Variants in CPED1 observed in about 807,000 individuals in gnomAD.
The protein encoded by CPED1 is cadherin-like and PC-esterase domain-containing protein 1.
CPED1 carries 114 observed loss-of-function variants against 128.2 expected under a neutral mutation model. The ratio of observed to expected loss-of-function variants is 0.89; its 90% confidence interval spans 0.76 to 1.04. The LOEUF (loss-of-function observed/expected upper bound fraction) is 1.04. Among genes scored for constraint, CPED1 ranks in the 50% least tolerant of loss-of-function variants. The pLI is 0.00. For synonymous variants in CPED1, 462 were observed against 426.7 expected, an observed-to-expected ratio of 1.08 and a Z score of -1.02; for missense variants, 1,211 against 1,207.1, an observed-to-expected ratio of 1.00 and a Z score of -0.05.
chr7:121,146,359 T>A (rs1344145089), intron 16 of CPED1, among the ~76,000 whole-genome samples: 1 of 152,074 alleles, frequency 6.6e-6, no homozygotes, highest in African/African-American at 2.4e-5. Context: ...TTTAATCACA[T>A]CCGAAAAATC....
chr7:121,060,241 G>C (rs935061675), intron 4 of CPED1, among the ~76,000 whole-genome samples: 2 of 152,240 alleles, frequency 1.3e-5, no homozygotes, highest in Non-Finnish European at 2.9e-5. Flanking sequence ...GCTCCTGTGC[G>C]GCCGGAGCCT....
intron 4 of CPED1, among the ~76,000 whole-genome samples, chr7:121,060,081 G>A (rs1419643202): frequency 6.6e-6 from 1 of 152,174 alleles, no homozygotes; most frequent in Non-Finnish European, 1.5e-5. Context: ...GGCCGGCCCT[G>A]CCGGCCCGGG....
chr7:121,149,418 C>A (rs1358417656), intron 16 of CPED1: 1 of 152,170 alleles, frequency 6.6e-6, no homozygotes, highest in African/African-American at 2.4e-5. Flanking sequence ...GAAAAAGAGT[C>A]ATGTTGAACA....
chr7:121,141,716 G>A (rs1323832104), intron 15 of CPED1, among the ~76,000 whole-genome samples: 2 of 151,988 alleles, frequency 1.3e-5, no homozygotes, highest in African/African-American at 4.8e-5. Flanking sequence ...ACCCTGGCAG[G>A]TGGTTAATAA....
intron 9 of CPED1, 83 bp downstream of exon 9, chr7:121,125,975 C>G: frequency 5.1e-6 from 5 of 989,286 alleles, no homozygotes; most frequent in Non-Finnish European, 7.9e-6. Context: ...TGTTTTCATT[C>G]ATAGTAACCA....
chr7:121,241,385 A>AAAAAAAAAG (rs1798390722), intron 17 of CPED1, among the ~76,000 whole-genome samples: 1 of 147,648 alleles, frequency 6.8e-6, no homozygotes, highest in East Asian at 2.0e-4. Flanking sequence ...AAAAAAAAAA[A>AAAAAAAAAG]GAAATTATAA....
chr7:121,127,096 G>A lies in CPED1; in HGVS notation c.1141G>A (p.Glu381Lys), dbSNP rs368982657. ...FMYPVVLQVH[E>K]HLNFQDYDNM... is the part of the protein sequence containing the mutation. Reference sequence around the variant, plus strand: ...TGCTTTTGTTCTTTCAAAGGTACACGAGCATTTAAATTTTCAAGATTATGA... The same window carrying A: ...TGCTTTTGTTCTTTCAAAGGTACACAAGCATTTAAATTTTCAAGATTATGA... The change falls in exon 10 of 23, where the codon GAG becomes AAG. Residue 381 changes from glutamate (E) to lysine (K), a missense_variant. Physicochemically the swap from Glu to Lys is moderately conservative, Grantham distance 56. Coordinates refer to ENST00000310396, the MANE Select transcript of CPED1 (RefSeq NM_024913.5). 2.8e-5 allele frequency: 45 copies of A among 1,585,762 alleles called. No individual in the cohort carries two copies. The highest frequency in any genetic ancestry group is 7.3e-5 in the Admixed American group (4 of 55,144).
chr7:121,201,832 A>G (rs981384516), intron 16 of CPED1, among the ~76,000 whole-genome samples: 6 of 152,118 alleles, frequency 3.9e-5, no homozygotes, highest in African/African-American at 1.4e-4. Context: ...TTTTAGAAGT[A>G]GACTTCCCCC....
At chr7:121,108,933 CAT>C (rs1563028760) in intron 7 of CPED1, among the ~76,000 whole-genome samples, 5 of 152,058 alleles carry the variant, frequency 3.3e-5, no homozygotes, top group Admixed American at 6.6e-5. Context: ...TTTTGCAACA[CAT>C]AGTTTTAAAC....
intron 16 of CPED1, among the ~76,000 whole-genome samples, chr7:121,179,820 A>G (rs183319333): frequency 3.9e-5 from 6 of 152,194 alleles, no homozygotes; most frequent in Admixed American, 3.9e-4. Context: ...ACAAAGACAA[A>G]TAAATTATAT....
Position 121,136,051 on chromosome 7 carries a change from CAAATTAA to C in CPED1, c.1665_1671del (p.Ile555MetfsTer29). On this transcript the variant is annotated frameshift_variant, in exon 14 of 23. Transcript: ENST00000310396. LOFTEE classifies it high-confidence loss of function. ...CTTTTTTTTTTTAGCTGCAGTTCCA[CAAATTAA>C]AAATGAAAATAAAGAAATACATTGC... The C allele has an allele frequency of 1.3e-6, 2 of 1,515,128 alleles. No individual in the cohort carries two copies. Among genetic ancestry groups the C allele is most frequent in the Non-Finnish European group, 1.8e-6 (2 of 1,136,870 alleles). 93.9% of individuals were successfully genotyped at this position (1,515,128 alleles called of 1,614,324 possible). A position where few individuals can be genotyped will look rare whatever the true frequency, so the allele number is the denominator to read the frequency against.
intron 16 of CPED1, among the ~76,000 whole-genome samples, chr7:121,170,143 G>A (rs1313397503): frequency 6.6e-6 from 1 of 152,146 alleles, no homozygotes; most frequent in Non-Finnish European, 1.5e-5. Flanking sequence ...TGGAGTATGT[G>A]AATGATGAAG....
At chr7:121,059,682 A>T (rs569260679) in intron 4 of CPED1, among the ~76,000 whole-genome samples, 2 of 94,406 alleles carry the variant, frequency 2.1e-5, no homozygotes, top group East Asian at 7.3e-4. Context: ...AATGGTTATA[A>T]TTAATATATT....
rs528470267 is a variant in CPED1, at chr7:121,227,731, G to C, written c.2056-8983G>C. Among the ~76,000 whole-genome samples the C allele has an allele frequency of 1.7e-3, 266 of 152,130 alleles. 7 individuals carry two copies. In the South Asian group the frequency reaches 0.053, roughly 30 times the overall value. ...AAAATGAAGATAGGAGTTGTTGTGA[G>C]AAAAATAAGATAATATGTGTAAATA... On this transcript the variant is annotated intron_variant, in intron 16 of 22. Coordinates refer to ENST00000310396, the MANE Select transcript of CPED1 (RefSeq NM_024913.5).
At chr7:121,242,841 C>T (rs2116684295) in intron 17 of CPED1, among the ~76,000 whole-genome samples, 1 of 152,076 alleles carries the variant, frequency 6.6e-6, no homozygotes, top group African/African-American at 2.4e-5. Context: ...CTTCCAGTTT[C>T]TCTCTCTTAA....
chr7:121,079,749 C>A (rs76390312), intron 5 of CPED1, among the ~76,000 whole-genome samples: 1 of 152,192 alleles, frequency 6.6e-6, no homozygotes, highest in African/African-American at 2.4e-5. Context: ...GAGTAAATTT[C>A]GAAGACCCCA....
chr7:121,285,065 G>T (rs760163229), intron 22 of CPED1, among the ~76,000 whole-genome samples: 1 of 152,200 alleles, frequency 6.6e-6, no homozygotes, highest in Admixed American at 6.5e-5. Flanking sequence ...CTGAAATCTA[G>T]GTGGAGGTTC....
chr7:121,133,624 C>T (rs1249322409), intron 12 of CPED1, among the ~76,000 whole-genome samples, 199 bp from the exon 13 acceptor site: 1 of 152,050 alleles, frequency 6.6e-6, no homozygotes, highest in African/African-American at 2.4e-5. Context: ...TATGCTTCTA[C>T]TGATTAGGGA....
chr7:121,160,043 A>G (rs1201587022), intron 16 of CPED1, among the ~76,000 whole-genome samples: 1 of 152,070 alleles, frequency 6.6e-6, no homozygotes, highest in African/African-American at 2.4e-5. Context: ...ATAATATTGA[A>G]CTTGTGAGTT....
Sources: gnomAD v4.1 joint callset for allele counts (sites outside exome capture counted in the v4.1 genomes callset) on GRCh38, gnomAD v4.1.1 for gene constraint, MANE v1.5 for transcripts, NCBI Gene and HGNC (gene_info 2026-07-23, HGNC 2026-07-21) for gene names.